The following PAWR variants were observed in gnomAD, a reference collection of about 807,000 sequenced individuals.
PAWR encodes the protein PRKC apoptosis WT1 regulator protein.
In PAWR, 23 loss-of-function variants were observed where a neutral mutation model predicts 32.0. That is an observed-to-expected ratio of 0.72 (90% confidence interval 0.52 to 1.02). The LOEUF is 1.02. PAWR is among the 50% of genes least tolerant of loss of function. The pLI, the probability that PAWR is intolerant of heterozygous loss-of-function variation, is 0.00. For synonymous variants in PAWR, 226 were observed against 187.1 expected, an observed-to-expected ratio of 1.21 and a Z score of -1.70; for missense variants, 457 against 437.7, an observed-to-expected ratio of 1.04 and a Z score of -0.39.
At chr12:79,664,793 A>ATT (rs979166463) in intron 2 of PAWR, among the ~76,000 whole-genome samples, 14 of 145,096 alleles carry the variant, frequency 9.6e-5, no homozygotes, top group Middle Eastern at 3.5e-3. Context: ...ATGTCTGGCT[A>ATT]TTTTTTTTTT....
Position 79,585,000 on chromosome 12 carries a change from G to T in PAWR, c.*7607C>A, listed in dbSNP as rs1433502452. 1 of 264,238 alleles carries T rather than the reference G, an allele frequency of 3.8e-6. No individual in the cohort carries two copies. Among genetic ancestry groups the T allele is most frequent in the East Asian group, 1.1e-4 (1 of 9,122 alleles). The allele number at this position is 264,238 out of a possible 1,614,324, so 16.4% of individuals were successfully genotyped here. On this transcript the variant is annotated 3_prime_UTR_variant, in exon 7 of 7. Transcript: ENST00000328827. ...ATAAAACTTAACACAGACAAACAAT[G>T]ATTTTATTCCATAGTCTCTTGGACT... is the stretch of plus-strand genomic sequence containing the variant.
Position 79,621,160 on chromosome 12 carries a change from T to A in PAWR, c.564A>T (p.Lys188Asn). The change falls in exon 3 of 7, where the codon AAA becomes AAT. Residue 188 changes from lysine (K) to asparagine (N), a missense_variant. Coordinates refer to ENST00000328827, the MANE Select transcript of PAWR (RefSeq NM_002583.4). ...EDDEAGQKER[K>N]REDAITQQNT... ...TCTGTTGTGTAATTGCATCTTCTCG[T>A]TTCCGCTCTTTCTGCCCTGCTTCAT... The A allele has an allele frequency of 6.2e-7, 1 of 1,611,604 alleles. No homozygotes were observed. The highest frequency in any genetic ancestry group is 1.7e-5 in the Admixed American group (1 of 60,010).
In PAWR at chr12:79,587,787, A is replaced by C. The variant is rs1873428196; in HGVS notation, c.*4820T>G. The C allele has an allele frequency of 1.3e-5, 2 of 151,938 alleles. No individual in the cohort carries two copies. The highest frequency in any genetic ancestry group is 4.1e-4 in the South Asian group (2 of 4,822). 9.4% of individuals were successfully genotyped at this position (151,938 alleles called of 1,614,324 possible). Reference sequence around the variant, plus strand: ...TAGTACAGGAAGAAAAAAAATAACCACTGTTGAAAAATAAATGAAAAAAAT... The same window carrying C: ...TAGTACAGGAAGAAAAAAAATAACCCCTGTTGAAAAATAAATGAAAAAAAT... On this transcript the variant is annotated 3_prime_UTR_variant, in exon 7 of 7. Coordinates refer to ENST00000328827, the MANE Select transcript of PAWR (RefSeq NM_002583.4).
chr12:79,623,307 G>A (rs1411655960), intron 2 of PAWR, among the ~76,000 whole-genome samples: 1 of 151,948 alleles, frequency 6.6e-6, no homozygotes, highest in African/African-American at 2.4e-5. Flanking sequence ...CTTGTTTAAT[G>A]ACAACATACC....
intron 2 of PAWR, among the ~76,000 whole-genome samples, chr12:79,661,016 C>A (rs1412901028): frequency 6.6e-6 from 1 of 151,638 alleles, no homozygotes; most frequent in Non-Finnish European, 1.5e-5. Context: ...GCCTGCAATC[C>A]CAGCACTTTG....
At chr12:79,688,417 C>A (rs1878789455) in intron 2 of PAWR, 1 of 147,342 alleles carries the variant, frequency 6.8e-6, no homozygotes, top group South Asian at 2.2e-4. Context: ...AGGAATGTAG[C>A]TTTTCCAAAG....
chr12:79,623,571 A>C (rs1875134240), intron 2 of PAWR, among the ~76,000 whole-genome samples: 1 of 152,200 alleles, frequency 6.6e-6, no homozygotes, highest in Admixed American at 6.5e-5. Flanking sequence ...GCCAGTTACA[A>C]AATTTTTAGT....
chr12:79,630,700 G>A (rs193173341), intron 2 of PAWR, among the ~76,000 whole-genome samples: 9 of 152,002 alleles, frequency 5.9e-5, no homozygotes, highest in Admixed American at 5.9e-4. Flanking sequence ...AACCTGAACA[G>A]CTCTCTATCT....
Position 79,596,498 on chromosome 12 carries a change from T to G in PAWR, c.831+13A>C. The G allele has an allele frequency of 7.2e-7, 1 of 1,387,326 alleles. No homozygotes were observed. The allele number at this position is 1,387,326 out of a possible 1,614,324, so 85.9% of individuals were successfully genotyped here. A position where few individuals can be genotyped will look rare whatever the true frequency, so the allele number is the denominator to read the frequency against. ...ATTAATTTTATCAATCTTAAATAAC[T>G]TATAATCCATACCTTTTCAAGATCT... On this transcript the variant is annotated intron_variant, in intron 5 of 6. Coordinates refer to ENST00000328827, the MANE Select transcript of PAWR (RefSeq NM_002583.4).
Position 79,672,277 on chromosome 12 carries a change from C to T in PAWR, c.516+17452G>A, listed in dbSNP as rs116570183. 1.0e-3 allele frequency among the ~76,000 whole-genome samples: 157 copies of T among 152,300 alleles called. 1 individual carries two copies. The highest frequency in any genetic ancestry group is 3.7e-3 in the African/African-American group (155 of 41,578). On this transcript the variant is annotated intron_variant, in intron 2 of 6. Transcript: ENST00000328827. ...GCTTCAACCAACAAGCAGCTCCCAACTGCACTTAAACTCCAAACTCTACCA... is the reference window on the plus strand; with the variant it reads ...GCTTCAACCAACAAGCAGCTCCCAATTGCACTTAAACTCCAAACTCTACCA...
At chr12:79,651,410 T>C (rs758254345) in intron 2 of PAWR, among the ~76,000 whole-genome samples, 2 of 152,162 alleles carry the variant, frequency 1.3e-5, no homozygotes, top group Non-Finnish European at 2.9e-5. Context: ...TAATTTGCAT[T>C]TGAAGCTTTC....
intron 2 of PAWR, among the ~76,000 whole-genome samples, chr12:79,632,779 C>T (rs191445658): frequency 2.0e-4 from 30 of 152,124 alleles, no homozygotes; most frequent in African/African-American, 7.2e-4. Context: ...TACCCTCCCA[C>T]TAAAAGGAAA....
chr12:79,613,141 A>G (rs2136698619), intron 4 of PAWR, among the ~76,000 whole-genome samples: 1 of 152,290 alleles, frequency 6.6e-6, no homozygotes, highest in African/African-American at 2.4e-5. Context: ...GGCTACCTAT[A>G]AGGCAGGAAG....
At chr12:79,597,010 G>A (rs998014535) in intron 4 of PAWR, 1 of 176,528 alleles carries the variant, frequency 5.7e-6, no homozygotes, top group Non-Finnish European at 1.2e-5. Flanking sequence ...AATAAGGTCA[G>A]TGATGGATAC....
intron 2 of PAWR, among the ~76,000 whole-genome samples, chr12:79,621,790 T>C (rs1358326500): frequency 1.3e-5 from 2 of 152,076 alleles, no homozygotes; most frequent in African/African-American, 4.8e-5. Context: ...TAACAGCATA[T>C]TGGAAAAGCT....
At position 79,690,273 on chromosome 12, in the gene PAWR, C is replaced by A. The variant is rs2136908250; in HGVS notation, c.-29G>T. 1 of 1,450,920 alleles carries A rather than the reference C, an allele frequency of 6.9e-7. No homozygotes were observed. Among genetic ancestry groups the A allele is most frequent in the South Asian group, 1.3e-5 (1 of 74,874 alleles). The allele number at this position is 1,450,920 out of a possible 1,614,324, so 89.9% of individuals were successfully genotyped here. On this transcript the variant is annotated 5_prime_UTR_variant, in exon 2 of 7. Coordinates refer to ENST00000328827, the MANE Select transcript of PAWR (RefSeq NM_002583.4). ...CCCAAAGGGGCCGGTCGGGCTCTCACCTCAGGCCGCCCACCAGGGCTCCGG... is the reference window on the plus strand; with the variant it reads ...CCCAAAGGGGCCGGTCGGGCTCTCAACTCAGGCCGCCCACCAGGGCTCCGG...
At chr12:79,608,714 T>C (rs1459479084) in intron 4 of PAWR, among the ~76,000 whole-genome samples, 1 of 152,144 alleles carries the variant, frequency 6.6e-6, no homozygotes, top group East Asian at 1.9e-4. Context: ...ATATTAAGTG[T>C]TTCTAAAATC....
chr12:79,679,284 T>C (rs1429990635), intron 2 of PAWR, among the ~76,000 whole-genome samples: 2 of 152,036 alleles, frequency 1.3e-5, no homozygotes, highest in African/African-American at 4.8e-5. Flanking sequence ...AAAGAATCTA[T>C]AAAAAATGCT....
At chr12:79,622,983 T>G (rs1875097912) in intron 2 of PAWR, among the ~76,000 whole-genome samples, 1 of 152,110 alleles carries the variant, frequency 6.6e-6, no homozygotes, top group Admixed American at 6.6e-5. Context: ...GACTTCTCAC[T>G]CCATAGCTTG....
Sources: gnomAD v4.1 joint callset for allele counts (sites outside exome capture counted in the v4.1 genomes callset) on GRCh38, gnomAD v4.1.1 for gene constraint, MANE v1.5 for transcripts, NCBI Gene and HGNC (gene_info 2026-07-23, HGNC 2026-07-21) for gene names.